CDC14A: variants seen among roughly 807,000 people sequenced by gnomAD.
CDC14A encodes cell division cycle 14A.
CDC14A carries 53 observed loss-of-function variants against 74.4 expected under a neutral mutation model. That is an observed-to-expected ratio of 0.71 (90% CI 0.57 to 0.89). CDC14A has a LOEUF of 0.89. Among genes scored for constraint, CDC14A ranks in the 40% least tolerant of loss-of-function variants. CDC14A has a pLI of 0.00. For synonymous variants in CDC14A, 247 were observed against 258.4 expected, an observed-to-expected ratio of 0.96 and a Z score of 0.43; for missense variants, 646 against 713.7, an observed-to-expected ratio of 0.91 and a Z score of 1.08.
chr1:100,473,232 G>T (rs1040366605), intron 10 of CDC14A, among the ~76,000 whole-genome samples: 2 of 151,702 alleles, frequency 1.3e-5, no homozygotes, highest in African/African-American at 4.9e-5. Context: ...GATCTTCTTT[G>T]ATTTCTTTCA....
chr1:100,467,582 C>A (rs1485480529), intron 9 of CDC14A, among the ~76,000 whole-genome samples: 2 of 152,040 alleles, frequency 1.3e-5, no homozygotes, highest in African/African-American at 4.8e-5. Flanking sequence ...ATCTTTGTTG[C>A]AGTTGCTCAC....
At chr1:100,367,468 A>G (rs909272310) in intron 2 of CDC14A, among the ~76,000 whole-genome samples, 1 of 152,238 alleles carries the variant, frequency 6.6e-6, no homozygotes, top group Non-Finnish European at 1.5e-5. Flanking sequence ...TGGTGTGAAC[A>G]ACTATCAGCA....
At chr1:100,355,752 G>A (rs1027115501) in intron 2 of CDC14A, among the ~76,000 whole-genome samples, 1 of 152,162 alleles carries the variant, frequency 6.6e-6, no homozygotes, top group South Asian at 2.1e-4. Context: ...ATATTACATG[G>A]TGCTAGGTGA....
chr1:100,492,592 C>T (rs76718126), intron 11 of CDC14A, among the ~76,000 whole-genome samples: 2,563 of 152,240 alleles, frequency 0.017, 83 homozygotes, highest in African/African-American at 0.059. Context: ...ACATTGTTCA[C>T]GGTTGAGCTT....
intron 6 of CDC14A, 138 bp downstream of exon 6, chr1:100,440,136 A>C (rs532204069): frequency 1.6e-6 from 1 of 642,912 alleles, no homozygotes; most frequent in African/African-American, 1.8e-5. Context: ...TTCTTGAAGG[A>C]TGATTGATTT....
chr1:100,485,426 C>A, intron 11 of CDC14A: 1 of 520,300 alleles, frequency 1.9e-6, no homozygotes. Context: ...AGCTAGGCAG[C>A]GTGATGTGTG....
chr1:100,392,528 G>T (rs1012422687), intron 4 of CDC14A, among the ~76,000 whole-genome samples: 2 of 152,034 alleles, frequency 1.3e-5, no homozygotes, highest in Non-Finnish European at 2.9e-5. Flanking sequence ...AAGTGTTCAG[G>T]ACAGTGTTCA....
chr1:100,401,829 G>A (rs1437205425), intron 4 of CDC14A, among the ~76,000 whole-genome samples: 8 of 152,020 alleles, frequency 5.3e-5, no homozygotes, highest in Admixed American at 2.6e-4. Flanking sequence ...ACCTGAGGTC[G>A]GGAGTTCGAG....
intron 4 of CDC14A, among the ~76,000 whole-genome samples, chr1:100,404,519 A>T (rs1478059004): frequency 6.6e-6 from 1 of 152,186 alleles, no homozygotes; most frequent in Non-Finnish European, 1.5e-5. Flanking sequence ...TATACAGCAA[A>T]TTCATGGGTA....
At chr1:100,497,738 AC>A (rs1648076502) in intron 13 of CDC14A, among the ~76,000 whole-genome samples, 1 of 152,206 alleles carries the variant, frequency 6.6e-6, no homozygotes, top group Admixed American at 6.5e-5. Flanking sequence ...TAAGAGCAGG[AC>A]TTTGACTCCT....
chr1:100,472,858 C>G (rs112219828), intron 10 of CDC14A, among the ~76,000 whole-genome samples: 36 of 152,004 alleles, frequency 2.4e-4, no homozygotes, highest in African/African-American at 8.2e-4. Context: ...ATAGCAGCAT[C>G]AAAAATCATT....
chr1:100,471,327 A>G (rs1668377371), intron 10 of CDC14A, among the ~76,000 whole-genome samples: 1 of 152,150 alleles, frequency 6.6e-6, no homozygotes, highest in Non-Finnish European at 1.5e-5. Context: ...AATGTTCTGT[A>G]TCTTATCTTG....
chr1:100,505,283 CAGTT>C (rs1649132674), intron 15 of CDC14A, among the ~76,000 whole-genome samples: 2 of 149,344 alleles, frequency 1.3e-5, no homozygotes, highest in African/African-American at 2.5e-5. Context: ...TTTTTATACT[CAGTT>C]GGTTAATGCT....
At chr1:100,393,269 A>G (rs1246911829) in intron 4 of CDC14A, 1 of 1,366,046 alleles carries the variant, frequency 7.3e-7, no homozygotes, top group African/African-American at 1.4e-5. Context: ...GTGCATGTTC[A>G]ATCATATGAA....
At chr1:100,363,449 A>C (rs1379967955) in intron 2 of CDC14A, among the ~76,000 whole-genome samples, 1 of 152,210 alleles carries the variant, frequency 6.6e-6, no homozygotes, top group Non-Finnish European at 1.5e-5. Flanking sequence ...CATCTGGTAA[A>C]TGATCACAAT....
At chr1:100,382,389 T>G (rs1479610718) in intron 3 of CDC14A, among the ~76,000 whole-genome samples, 2 of 119,960 alleles carry the variant, frequency 1.7e-5, no homozygotes, top group African/African-American at 9.1e-5. Context: ...CCCAGCTAAC[T>G]ATTTTTTTTT....
At chr1:100,374,548 G>C (rs998452671) in intron 2 of CDC14A, among the ~76,000 whole-genome samples, 1 of 152,178 alleles carries the variant, frequency 6.6e-6, no homozygotes, top group Non-Finnish European at 1.5e-5. Context: ...GCATTTCTCT[G>C]ATGCATCTCT....
chr1:100,352,675 G>A lies in CDC14A; in HGVS notation c.-280G>A. On this transcript the variant is annotated 5_prime_UTR_variant, in exon 1 of 16. Coordinates refer to ENST00000336454, the MANE Select transcript of CDC14A (RefSeq NM_003672.4). ...GCGTTTCCCAGGCGCGGCGGCGGCG[G>A]AGCAGCAGCTGCAGCAGCCGAGTCC... 1 of 1,302,798 alleles carries A rather than the reference G, an allele frequency of 7.7e-7. No homozygotes were observed. The highest frequency in any genetic ancestry group is 9.7e-7 in the Non-Finnish European group (1 of 1,027,402). The allele number at this position is 1,302,798 out of a possible 1,614,324, so 80.7% of individuals were successfully genotyped here.
intron 4 of CDC14A, among the ~76,000 whole-genome samples, chr1:100,418,584 G>A (rs1182207099): frequency 1.3e-5 from 2 of 152,104 alleles, no homozygotes; most frequent in Admixed American, 6.5e-5. Flanking sequence ...GCCCTGCTCT[G>A]GAACTACTGG....
Sources: allele counts gnomAD v4.1 joint callset (sites outside exome capture counted in the v4.1 genomes callset), GRCh38; gene constraint gnomAD v4.1.1; transcripts MANE v1.5; gene names NCBI Gene and HGNC (gene_info 2026-07-23, HGNC 2026-07-21).